SMCHD1: variants seen among roughly 807,000 people sequenced by gnomAD.
SMCHD1 encodes structural maintenance of chromosomes flexible hinge domain-containing protein 1.
Under a neutral mutation model 254.7 loss-of-function variants are expected in SMCHD1, and 78 were observed. That is an observed-to-expected ratio of 0.31 (90% confidence interval 0.26 to 0.37). SMCHD1 has a LOEUF of 0.37. Ranked by LOEUF, SMCHD1 falls within the 10% of genes least tolerant of loss-of-function variation. The pLI is 1.00. For missense variants in SMCHD1, 1,840 were observed against 2,408.1 expected (o/e 0.76, Z 4.94); for synonymous variants, 766 against 794.9 (o/e 0.96, Z 0.61).
At position 2,763,780 on chromosome 18, in the gene SMCHD1, T is replaced by A. The variant is rs1386412645; in HGVS notation, c.4710T>A (p.Ala1570=). Reference sequence around the variant, plus strand: ...AATTCCCCTTCGTGAATGGTTCGGCTGAAATCATGGTAAATTTTTTATATC... The same window carrying A: ...AATTCCCCTTCGTGAATGGTTCGGCAGAAATCATGGTAAATTTTTTATATC... ...TLEFPFVNGS[A]EIMSLVLAES... is the part of the protein sequence containing the mutation. The change falls in exon 37 of 48, where the codon GCT becomes GCA. Residue 1570 remains alanine (A), a synonymous_variant. Coordinates refer to ENST00000320876, the MANE Select transcript of SMCHD1 (RefSeq NM_015295.3). 2 of 1,605,616 alleles carry A rather than the reference T, an allele frequency of 1.2e-6. No homozygotes were observed. Among genetic ancestry groups the A allele is most frequent in the Admixed American group, 1.7e-5 (1 of 57,868 alleles).
rs372694951 is a variant in SMCHD1 at position 2,685,094 on chromosome 18, A to ATTTTTTTTTTTTTTTTT, written c.639-3293_639-3292insTTTTTTTTTTTTTTTTT. Among the ~76,000 whole-genome samples the ATTTTTTTTTTTTTTTTT allele has an allele frequency of 2.4e-5, 2 of 81,880 alleles. 1 individual carries two copies. Among genetic ancestry groups the ATTTTTTTTTTTTTTTTT allele is most frequent in the Non-Finnish European group, 4.3e-5 (2 of 46,752 alleles). 53.7% of individuals were successfully genotyped at this position (81,880 alleles called of 152,430 possible). On this transcript the variant is annotated intron_variant, in intron 5 of 47. Coordinates refer to ENST00000320876, the MANE Select transcript of SMCHD1 (RefSeq NM_015295.3). ...AGCACACTGTTCTGTTCTGTCCCTT[A>ATTTTTTTTTTTTTTTTT]TTTTTTTCTTTTTTTTTTTTTTTTG...
At chr18:2,770,934 A>G (rs1350168746) in intron 39 of SMCHD1, among the ~76,000 whole-genome samples, 4 of 152,148 alleles carry the variant, frequency 2.6e-5, no homozygotes, top group Non-Finnish European at 5.9e-5. Context: ...CGTTTGCTGC[A>G]ATTCTTAATA....
At chr18:2,698,306 C>A (rs1454649058) in intron 10 of SMCHD1, among the ~76,000 whole-genome samples, 1 of 152,020 alleles carries the variant, frequency 6.6e-6, no homozygotes, top group Non-Finnish European at 1.5e-5. Context: ...GCGTATTAAT[C>A]CTTTATATGT....
At chr18:2,720,866 C>T (rs2074911466) in intron 19 of SMCHD1, among the ~76,000 whole-genome samples, 2 of 152,190 alleles carry the variant, frequency 1.3e-5, no homozygotes, top group African/African-American at 4.8e-5. Flanking sequence ...ATCCTGCTTT[C>T]TTGGCCTCCC....
intron 27 of SMCHD1, among the ~76,000 whole-genome samples, 191 bp from the exon 28 acceptor site, chr18:2,740,512 A>T (rs1439162690): frequency 1.3e-5 from 2 of 152,200 alleles, no homozygotes; most frequent in East Asian, 3.8e-4. Context: ...AGTTGAAAAT[A>T]TGCTTATGTA....
intron 34 of SMCHD1, among the ~76,000 whole-genome samples, chr18:2,758,894 C>T (rs963400112): frequency 1.5e-4 from 23 of 151,106 alleles, no homozygotes; most frequent in Admixed American, 9.3e-4. Flanking sequence ...GCTTTGATTT[C>T]GTGGTCTTCA....
At chr18:2,685,314 T>A (rs572413353) in intron 5 of SMCHD1, among the ~76,000 whole-genome samples, 1 of 151,996 alleles carries the variant, frequency 6.6e-6, no homozygotes, top group African/African-American at 2.4e-5. Context: ...TTAGCCAGGA[T>A]GGTCTTGATC....
intron 25 of SMCHD1, among the ~76,000 whole-genome samples, chr18:2,732,888 A>T (rs1190952870): frequency 1.3e-5 from 2 of 152,212 alleles, no homozygotes; most frequent in Non-Finnish European, 2.9e-5. Flanking sequence ...AGTGTTGTTA[A>T]CTACAGAGCC....
At chr18:2,754,884 C>G (rs940287577) in intron 34 of SMCHD1, among the ~76,000 whole-genome samples, 5 of 151,558 alleles carry the variant, frequency 3.3e-5, no homozygotes, top group Non-Finnish European at 7.4e-5. Flanking sequence ...ACCTATAATC[C>G]CAGCACTTTG....
intron 45 of SMCHD1, among the ~76,000 whole-genome samples, chr18:2,785,834 A>G (rs963319947): frequency 5.3e-5 from 8 of 152,054 alleles, no homozygotes; most frequent in Non-Finnish European, 8.8e-5. Context: ...GATACTTCAT[A>G]TAAGTAGAAT....
intron 45 of SMCHD1, 102 bp from the exon 46 acceptor site, chr18:2,795,846 AT>A: frequency 1.1e-6 from 1 of 886,474 alleles, no homozygotes; most frequent in South Asian, 1.9e-5. Context: ...TAGATCCCCT[AT>A]GTTACCATAA....
intron 32 of SMCHD1, 23 bp downstream of exon 32, chr18:2,750,530 TA>T (rs572660058): frequency 2.1e-4 from 325 of 1,548,138 alleles, no homozygotes; most frequent in Non-Finnish European, 2.7e-4. Context: ...CATACATAAA[TA>T]AATCTATAAT....
At position 2,729,404 on chromosome 18, in the gene SMCHD1, A is replaced by T; in HGVS notation, c.3043A>T (p.Ile1015Leu). The part of the protein sequence containing the change: ...KDQTLKARIE[I>L]PSCKDVAPVE... ...CCAGACGCTTAAAGCAAGAATTGAAATACCTGTAAGTTATTATTGTTACTC... is the reference window on the plus strand; with the variant it reads ...CCAGACGCTTAAAGCAAGAATTGAATTACCTGTAAGTTATTATTGTTACTC... The change falls in exon 24 of 48, where the codon ATA (isoleucine) becomes TTA (leucine). Residue 1015 changes from isoleucine to leucine, a missense_variant. By Grantham distance (5) the Ile-to-Leu change is conservative. This residue lies in a region of SMCHD1 where 881 missense variants were observed against 1,009.5 expected (regional missense o/e 0.87). Coordinates refer to ENST00000320876, the MANE Select transcript of SMCHD1 (RefSeq NM_015295.3). 6.6e-7 allele frequency: 1 copy of T among 1,522,554 alleles called. No homozygotes were observed. Among genetic ancestry groups the T allele is most frequent in the East Asian group, 2.4e-5 (1 of 41,248 alleles). 94.3% of individuals were successfully genotyped at this position (1,522,554 alleles called of 1,614,324 possible).
chr18:2,780,953 G>A (rs1175025866), intron 44 of SMCHD1, among the ~76,000 whole-genome samples: 1 of 152,226 alleles, frequency 6.6e-6, no homozygotes, highest in Non-Finnish European at 1.5e-5. Context: ...TAATGAACTG[G>A]CAAGAGAGTC....
At chr18:2,680,993 C>T (rs2073910408) in intron 5 of SMCHD1, among the ~76,000 whole-genome samples, 1 of 152,168 alleles carries the variant, frequency 6.6e-6, no homozygotes. Context: ...AAGCTAGACT[C>T]AGTGGCTCAC....
At chr18:2,660,842 G>T (rs1313276338) in intron 1 of SMCHD1, among the ~76,000 whole-genome samples, 78 of 152,070 alleles carry the variant, frequency 5.1e-4, no homozygotes, top group African/African-American at 1.7e-3. Flanking sequence ...TTTTTGATGT[G>T]GATTAAAAAC....
chr18:2,690,067 T>C (rs2074141191), intron 7 of SMCHD1, among the ~76,000 whole-genome samples: 1 of 152,136 alleles, frequency 6.6e-6, no homozygotes, highest in South Asian at 2.1e-4. Context: ...AATTTGGCTT[T>C]CTGATTCTAA....
intron 20 of SMCHD1, among the ~76,000 whole-genome samples, chr18:2,724,631 T>TA: frequency 6.6e-6 from 1 of 152,310 alleles, no homozygotes; most frequent in Non-Finnish European, 1.5e-5. Context: ...GTATCTTTAC[T>TA]AATTCAATAT....
intron 20 of SMCHD1, 61 bp from the exon 21 acceptor site, chr18:2,724,837 AC>A (rs2074994268): frequency 2.4e-6 from 2 of 840,314 alleles, no homozygotes; most frequent in Non-Finnish European, 3.5e-6. Flanking sequence ...GAAAGCAAAA[AC>A]ACATTTGCAG....
Sources: gnomAD v4.1 joint callset for allele counts (sites outside exome capture counted in the v4.1 genomes callset) on GRCh38, gnomAD v4.1.1 for gene constraint, gnomAD v4.1.1 regional missense constraint, MANE v1.5 for transcripts, NCBI Gene and HGNC (gene_info 2026-07-23, HGNC 2026-07-21) for gene names.